The following DDX10 variants were observed in gnomAD, a reference collection of about 807,000 sequenced individuals.
DDX10 encodes probable ATP-dependent RNA helicase DDX10.
Under a neutral mutation model 104.3 loss-of-function variants are expected in DDX10, and 74 were observed. The ratio of observed to expected loss-of-function variants is 0.71; its 90% confidence interval spans 0.59 to 0.86. DDX10 has a LOEUF of 0.86. Ranked by LOEUF, DDX10 falls within the 40% of genes least tolerant of loss-of-function variation. The probability of loss-of-function intolerance (pLI) is 0.00; values close to 1 mark genes in which losing one functional copy is unlikely to be tolerated. For synonymous variants in DDX10, 351 were observed against 353.4 expected, an observed-to-expected ratio of 0.99 and a Z score of 0.08; for missense variants, 952 against 1,040.0, an observed-to-expected ratio of 0.92 and a Z score of 1.16.
At chr11:108,732,637 G>A (rs1162608739) in intron 13 of DDX10, among the ~76,000 whole-genome samples, 1 of 152,136 alleles carries the variant, frequency 6.6e-6, no homozygotes, top group African/African-American at 2.4e-5. Flanking sequence ...TCTTAGCAGT[G>A]GAGAAGTGCC....
At chr11:108,834,673 G>T (rs1862525431) in intron 13 of DDX10, among the ~76,000 whole-genome samples, 1 of 152,020 alleles carries the variant, frequency 6.6e-6, no homozygotes. Context: ...TCTGTCTTTA[G>T]ATGAGGTCTG....
intron 13 of DDX10, among the ~76,000 whole-genome samples, chr11:108,815,644 A>G (rs1161037362): frequency 6.6e-6 from 1 of 152,204 alleles, no homozygotes. Context: ...ATAACATTCT[A>G]TTCAGAGAAC....
intron 9 of DDX10, among the ~76,000 whole-genome samples, chr11:108,703,516 GAC>G (rs1445361324): frequency 9.2e-5 from 14 of 152,234 alleles, no homozygotes; most frequent in Non-Finnish European, 1.3e-4. Context: ...TTTTAGTAGA[GAC>G]AGGGTTTCAC....
At chr11:108,869,144 T>G (rs544986432) in intron 16 of DDX10, among the ~76,000 whole-genome samples, 4 of 151,822 alleles carry the variant, frequency 2.6e-5, no homozygotes, top group Non-Finnish European at 4.4e-5. Flanking sequence ...ACTTGTATAT[T>G]AAAAGCCATG....
At chr11:108,789,921 TAAAA>T (rs1861847668) in intron 13 of DDX10, among the ~76,000 whole-genome samples, 1 of 152,210 alleles carries the variant, frequency 6.6e-6, no homozygotes, top group Non-Finnish European at 1.5e-5. Context: ...CCCTCTTGAT[TAAAA>T]GACCCTGTAA....
intron 13 of DDX10, among the ~76,000 whole-genome samples, chr11:108,798,484 A>G (rs1411252338): frequency 6.6e-6 from 1 of 152,128 alleles, no homozygotes; most frequent in African/African-American, 2.4e-5. Flanking sequence ...GGCAGCCACC[A>G]TTCTGCTTTC....
intron 13 of DDX10, among the ~76,000 whole-genome samples, chr11:108,778,777 G>GT (rs896712382): frequency 6.6e-6 from 1 of 152,108 alleles, no homozygotes; most frequent in African/African-American, 2.4e-5. Flanking sequence ...ATGGGAGAAA[G>GT]TTTTTACAAT....
intron 13 of DDX10, among the ~76,000 whole-genome samples, chr11:108,801,314 C>A (rs778483669): frequency 5.9e-5 from 9 of 152,154 alleles, no homozygotes; most frequent in Admixed American, 2.0e-4. Flanking sequence ...ATAGAATCAG[C>A]TAGTAGTTTT....
intron 17 of DDX10, among the ~76,000 whole-genome samples, chr11:108,931,386 C>T (rs1184637834): frequency 6.6e-6 from 1 of 152,158 alleles, no homozygotes; most frequent in African/African-American, 2.4e-5. Flanking sequence ...GCAGTTTTCC[C>T]AAGTTTTAGG....
chr11:108,932,137 A>G (rs1176884278), intron 17 of DDX10, among the ~76,000 whole-genome samples: 1 of 151,994 alleles, frequency 6.6e-6, no homozygotes, highest in Admixed American at 6.5e-5. Context: ...TGGTAAAGCA[A>G]CCGTAGACAA....
intron 13 of DDX10, among the ~76,000 whole-genome samples, chr11:108,777,468 G>A (rs115300836): frequency 0.01 from 1,543 of 152,036 alleles, 20 homozygotes; most frequent in African/African-American, 0.033. Flanking sequence ...GATTACAGGC[G>A]CGTGCCACTG....
intron 15 of DDX10, among the ~76,000 whole-genome samples, chr11:108,848,178 G>A (rs1271272984): frequency 6.6e-6 from 1 of 152,136 alleles, no homozygotes; most frequent in Non-Finnish European, 1.5e-5. Flanking sequence ...GTGGTTAGTA[G>A]TATAGTTTAA....
intron 15 of DDX10, among the ~76,000 whole-genome samples, chr11:108,850,188 G>A (rs764361738): frequency 1.4e-4 from 21 of 152,152 alleles, no homozygotes; most frequent in Middle Eastern, 3.4e-3. Flanking sequence ...TCTCTTGTCC[G>A]TCTGAAAATT....
At chr11:108,809,987 A>G (rs1475836675) in intron 13 of DDX10, among the ~76,000 whole-genome samples, 1 of 152,146 alleles carries the variant, frequency 6.6e-6, no homozygotes, top group Non-Finnish European at 1.5e-5. Context: ...CTTCTTTTAT[A>G]TGTGGTTACT....
intron 17 of DDX10, among the ~76,000 whole-genome samples, chr11:108,935,595 A>ATT (rs1227855432): frequency 6.6e-6 from 1 of 151,796 alleles, no homozygotes; most frequent in Non-Finnish European, 1.5e-5. Flanking sequence ...ATTTTTTTTT[A>ATT]TTTGAGGGGA....
chr11:108,779,336 C>A lies in DDX10; in HGVS notation c.1965+55874C>A, dbSNP rs1591816128. Among the ~76,000 whole-genome samples the A allele has an allele frequency of 3.3e-5, 5 of 152,206 alleles. No individual in the cohort carries two copies. The South Asian group carries it at 1.0e-3, about 31-fold the overall frequency. ...GATTAAGAAAATGTGGCACATATAC[C>A]CTATGGAATACTATGCAGCCATAAA... is the stretch of plus-strand genomic sequence containing the variant. On this transcript the variant is annotated intron_variant, in intron 13 of 17. Coordinates refer to ENST00000322536, the MANE Select transcript of DDX10 (RefSeq NM_004398.4).
chr11:108,821,444 T>C (rs946544763), intron 13 of DDX10, among the ~76,000 whole-genome samples: 3 of 152,222 alleles, frequency 2.0e-5, no homozygotes, highest in Non-Finnish European at 4.4e-5. Flanking sequence ...TCTGAAAATA[T>C]TGCATTTTAG....
intron 4 of DDX10, among the ~76,000 whole-genome samples, 192 bp downstream of exon 4, chr11:108,677,435 AT>A (rs777793456): frequency 1.3e-5 from 2 of 150,218 alleles, no homozygotes; most frequent in South Asian, 2.1e-4. Flanking sequence ...CAGAAAGTCC[AT>A]TTTTTTTTGT....
chr11:108,725,341 G>A (rs972079112), intron 13 of DDX10, among the ~76,000 whole-genome samples: 1 of 152,046 alleles, frequency 6.6e-6, no homozygotes, highest in African/African-American at 2.4e-5. Context: ...TCTAGGAATA[G>A]GGTTACTGGG....
Sources: gnomAD v4.1 joint callset for allele counts (sites outside exome capture counted in the v4.1 genomes callset) on GRCh38, gnomAD v4.1.1 for gene constraint, MANE v1.5 for transcripts, NCBI Gene and HGNC (gene_info 2026-07-23, HGNC 2026-07-21) for gene names.